The following PDE4D variants were observed in gnomAD, a reference collection of about 807,000 sequenced individuals.
The protein encoded by PDE4D is phosphodiesterase 4D.
A neutral mutation model predicts 87.4 loss-of-function variants in PDE4D; 24 were observed. That is an observed-to-expected ratio of 0.27 (90% CI 0.20 to 0.39). The LOEUF (loss-of-function observed/expected upper bound fraction) is 0.39. Among genes scored for constraint, PDE4D ranks in the 10% least tolerant of loss-of-function variants. The pLI is 1.00. For missense variants in PDE4D, 714 were observed against 1,041.0 expected (o/e 0.69, Z 4.32); for synonymous variants, 384 against 383.2 (o/e 1.00, Z -0.02).
intron 1 of PDE4D, among the ~76,000 whole-genome samples, chr5:60,240,748 T>A (rs1485151672): frequency 6.6e-6 from 1 of 152,174 alleles, no homozygotes. Flanking sequence ...GTAATCCAGA[T>A]GATTCTTCTG....
chr5:59,133,801 G>A (rs147193969), intron 5 of PDE4D, among the ~76,000 whole-genome samples: 6 of 152,298 alleles, frequency 3.9e-5, no homozygotes, highest in Middle Eastern at 6.8e-3. Flanking sequence ...CTACACGTGA[G>A]ATGGACAAAG....
intron 1 of PDE4D, among the ~76,000 whole-genome samples, chr5:60,336,092 A>G (rs1051676279): frequency 1.3e-5 from 2 of 152,200 alleles, no homozygotes; most frequent in Admixed American, 6.5e-5. Context: ...CACTCCGACC[A>G]AACACTGACA....
intron 2 of PDE4D, among the ~76,000 whole-genome samples, chr5:60,158,478 G>T (rs1782183660): frequency 6.6e-6 from 1 of 152,204 alleles, no homozygotes; most frequent in African/African-American, 2.4e-5. Context: ...GTCAATGAGT[G>T]AGTGGTGAGT....
chr5:60,346,008 T>C (rs1029710410), intron 1 of PDE4D, among the ~76,000 whole-genome samples: 1 of 152,172 alleles, frequency 6.6e-6, no homozygotes, highest in Non-Finnish European at 1.5e-5. Flanking sequence ...CTTATATCCG[T>C]TGAGTAAAAT....
intron 1 of PDE4D, among the ~76,000 whole-genome samples, chr5:59,397,277 A>C (rs1562104576): frequency 8.1e-6 from 1 of 123,858 alleles, no homozygotes; most frequent in African/African-American, 3.2e-5. Context: ...CAGAATATAC[A>C]TTTTTTTCAG....
intron 1 of PDE4D, among the ~76,000 whole-genome samples, chr5:60,294,911 T>G (rs1753233283): frequency 6.6e-6 from 1 of 152,046 alleles, no homozygotes. Context: ...GCCATTGTGA[T>G]GAAGATTAAG....
intron 2 of PDE4D, among the ~76,000 whole-genome samples, chr5:60,141,739 T>A (rs1397867545): frequency 2.6e-5 from 4 of 152,148 alleles, no homozygotes; most frequent in Non-Finnish European, 4.4e-5. Context: ...GCCATTTAAA[T>A]AGACATAATC....
intron 2 of PDE4D, among the ~76,000 whole-genome samples, chr5:60,000,311 A>C (rs1763907839): frequency 6.6e-6 from 1 of 152,230 alleles, no homozygotes; most frequent in South Asian, 2.1e-4. Flanking sequence ...TATCAAAGAC[A>C]AAAAGGGAAT....
rs563705481 is a variant in PDE4D, at chr5:59,682,276, T to C, written c.455+210892A>G. Among the ~76,000 whole-genome samples, 86 of 152,198 alleles carry C rather than the reference T, an allele frequency of 5.7e-4. 2 individuals carry two copies. Among genetic ancestry groups the C allele is most frequent in the African/African-American group, 2.0e-3 (84 of 41,518 alleles). Reference sequence around the variant, plus strand: ...GCTTTTTAATTACAAAGGAGGAAAATAGTAACTTTACAGTGGAGAAATCTG... The same window carrying C: ...GCTTTTTAATTACAAAGGAGGAAAACAGTAACTTTACAGTGGAGAAATCTG... On this transcript the variant is annotated intron_variant, in intron 1 of 14. Coordinates refer to ENST00000340635, the MANE Select transcript of PDE4D (RefSeq NM_001104631.2).
At chr5:59,371,007 A>C (rs372709660) in intron 1 of PDE4D, among the ~76,000 whole-genome samples, 11 of 152,314 alleles carry the variant, frequency 7.2e-5, no homozygotes, top group African/African-American at 2.6e-4. Flanking sequence ...GTGGCCCAAC[A>C]CAAATTCATA....
intron 1 of PDE4D, among the ~76,000 whole-genome samples, chr5:59,490,303 A>C (rs1269441034): frequency 6.6e-6 from 1 of 152,228 alleles, no homozygotes; most frequent in Non-Finnish European, 1.5e-5. Context: ...CTACCACTGC[A>C]TGCAAAATAG....
At chr5:59,199,742 G>A (rs541310441) in intron 2 of PDE4D, among the ~76,000 whole-genome samples, 157 of 152,014 alleles carry the variant, frequency 1.0e-3, no homozygotes, top group African/African-American at 3.4e-3. Context: ...GGAGGACCAC[G>A]TCTACTCACA....
rs535854916 is a variant in PDE4D, at chr5:59,533,404, C to T, written c.456-317436G>A. Among the ~76,000 whole-genome samples, 22 of 152,108 alleles carry T rather than the reference C, an allele frequency of 1.4e-4. 1 individual carries two copies. In the South Asian group the frequency reaches 4.1e-3, roughly 29 times the overall value. On this transcript the variant is annotated intron_variant, in intron 1 of 14. Coordinates refer to ENST00000340635, the MANE Select transcript of PDE4D (RefSeq NM_001104631.2). The stretch of plus-strand genomic sequence containing the variant: ...ATTGCCTTAGCAAATCTGTAATGCC[C>T]AAATTAGAAAACAGTTATTTTTCTC...
At chr5:59,254,228 C>A (rs919750570) in intron 1 of PDE4D, among the ~76,000 whole-genome samples, 3 of 152,008 alleles carry the variant, frequency 2.0e-5, no homozygotes, top group African/African-American at 7.2e-5. Context: ...CTGCCCAGCT[C>A]TATTTGCTAA....
At chr5:60,507,042 T>C (rs1261912519) in intron 1 of PDE4D, among the ~76,000 whole-genome samples, 2 of 152,208 alleles carry the variant, frequency 1.3e-5, no homozygotes, top group African/African-American at 2.4e-5. Flanking sequence ...ATGATTATTT[T>C]CACATCATGT....
chr5:59,639,936 C>CTT (rs111495519), intron 1 of PDE4D, among the ~76,000 whole-genome samples: 83 of 128,118 alleles, frequency 6.5e-4, no homozygotes, highest in African/African-American at 2.2e-3. Context: ...TGTAACAGTT[C>CTT]TTTTTTTTTT....
intron 2 of PDE4D, among the ~76,000 whole-genome samples, chr5:59,214,335 T>C (rs1182126177): frequency 6.6e-6 from 1 of 152,190 alleles, no homozygotes. Flanking sequence ...TTTGAAATTT[T>C]CTTCTCTCTT....
chr5:60,409,806 A>T (rs1741887530), intron 1 of PDE4D, among the ~76,000 whole-genome samples: 1 of 152,230 alleles, frequency 6.6e-6, no homozygotes, highest in Non-Finnish European at 1.5e-5. Context: ...GAGTTCTTCC[A>T]TGGTGAAATG....
chr5:59,599,272 A>G (rs569754703), intron 1 of PDE4D, among the ~76,000 whole-genome samples: 2 of 146,794 alleles, frequency 1.4e-5, no homozygotes, highest in Admixed American at 6.9e-5. Flanking sequence ...CCCAGGCTGG[A>G]GTGCAATGGC....
Sources: allele counts gnomAD v4.1 joint callset (sites outside exome capture counted in the v4.1 genomes callset), GRCh38; gene constraint gnomAD v4.1.1; transcripts MANE v1.5; gene names NCBI Gene and HGNC (gene_info 2026-07-23, HGNC 2026-07-21).